SBF2: variants seen among roughly 807,000 people sequenced by gnomAD.
The protein encoded by SBF2 is myotubularin-related protein 13.
In SBF2, 112 loss-of-function variants were observed where a neutral mutation model predicts 225.2. The ratio of observed to expected loss-of-function variants is 0.50; its 90% CI spans 0.43 to 0.58. SBF2 has a LOEUF of 0.58. Among genes scored for constraint, SBF2 ranks in the 20% least tolerant of loss-of-function variants. The probability of loss-of-function intolerance (pLI) is 0.00; values close to 1 mark genes in which losing one functional copy is unlikely to be tolerated. For missense variants in SBF2, 1,996 were observed against 2,206.2 expected, an observed-to-expected ratio of 0.90 and a Z score of 1.91; for synonymous variants, 763 against 773.3, an observed-to-expected ratio of 0.99 and a Z score of 0.22.
At chr11:9,976,960 C>T (rs1378741762) in intron 13 of SBF2, among the ~76,000 whole-genome samples, 3 of 151,766 alleles carry the variant, frequency 2.0e-5, no homozygotes, top group East Asian at 1.9e-4. Context: ...TTAGTAGAGA[C>T]GGGGTTTCAC....
chr11:10,130,415 T>C (rs771628736), intron 2 of SBF2, among the ~76,000 whole-genome samples: 1 of 152,128 alleles, frequency 6.6e-6, no homozygotes. Flanking sequence ...AATATACCCT[T>C]AAACAATTTT....
chr11:10,100,629 C>T (rs1024833862), intron 2 of SBF2, among the ~76,000 whole-genome samples: 4 of 152,140 alleles, frequency 2.6e-5, no homozygotes, highest in East Asian at 3.9e-4. Flanking sequence ...TGTAGCCCCA[C>T]TATGAGGTAT....
At chr11:10,218,088 C>A (rs1367896247) in intron 1 of SBF2, among the ~76,000 whole-genome samples, 1 of 152,158 alleles carries the variant, frequency 6.6e-6, no homozygotes. Flanking sequence ...TTAGTAGAGA[C>A]AGGGATTCAC....
intron 1 of SBF2, among the ~76,000 whole-genome samples, chr11:10,220,509 C>T (rs891261072): frequency 6.6e-6 from 1 of 152,126 alleles, no homozygotes; most frequent in South Asian, 2.1e-4. Context: ...GAGTTCATCC[C>T]TCCTTTCTAC....
At chr11:10,042,603 G>C (rs1301255725) in intron 3 of SBF2, among the ~76,000 whole-genome samples, 2 of 152,078 alleles carry the variant, frequency 1.3e-5, no homozygotes, top group Non-Finnish European at 2.9e-5. Context: ...ACCAATTCAA[G>C]GATGCACTAT....
intron 1 of SBF2, among the ~76,000 whole-genome samples, chr11:10,223,410 TATATATATATA>T (rs1176271216): frequency 1.3e-5 from 1 of 75,880 alleles, no homozygotes; most frequent in African/African-American, 4.1e-5. Flanking sequence ...TATATATATA[TATATATATATA>T]TATATATATA....
chr11:10,078,045 C>T lies in SBF2; in HGVS notation c.142-35064G>A, dbSNP rs561137530. Among the ~76,000 whole-genome samples, 4 of 152,358 alleles carry T rather than the reference C, an allele frequency of 2.6e-5. No homozygotes were observed. The East Asian group carries it at 7.7e-4, about 29-fold the overall frequency. On this transcript the variant is annotated intron_variant, in intron 2 of 39. Transcript: ENST00000256190. Reference sequence around the variant, plus strand: ...AACAAACTTATGAAAAAATGCTCATCATCACTGGTCATTAGAGAAATGCAA... The same window carrying T: ...AACAAACTTATGAAAAAATGCTCATTATCACTGGTCATTAGAGAAATGCAA...
At chr11:10,052,265 C>T (rs1293275397) in intron 2 of SBF2, among the ~76,000 whole-genome samples, 1 of 151,888 alleles carries the variant, frequency 6.6e-6, no homozygotes, top group Non-Finnish European at 1.5e-5. Context: ...ACTGAGAAAA[C>T]ACATATATTT....
intron 22 of SBF2, among the ~76,000 whole-genome samples, chr11:9,849,709 A>C (rs1856790629): frequency 6.6e-6 from 1 of 152,228 alleles, no homozygotes; most frequent in Non-Finnish European, 1.5e-5. Flanking sequence ...TGGACAAACC[A>C]GCAAGGGATA....
rs970583089 is a variant in SBF2, at chr11:9,791,094, C to CTGTT, written c.4571-415_4571-412dup. 5.1e-4 allele frequency: 91 copies of CTGTT among 178,362 alleles called. 1 individual carries two copies. The highest frequency in any genetic ancestry group is 2.1e-3 in the African/African-American group (87 of 41,750). The allele number at this position is 178,362 out of a possible 1,614,324, so 11.0% of individuals were successfully genotyped here. On this transcript the variant is annotated intron_variant, in intron 33 of 39. Coordinates refer to ENST00000256190, the MANE Select transcript of SBF2 (RefSeq NM_030962.4). ...TTATGTTTCTCTTTTAAGTTGTTGG[C>CTGTT]TGTTTGTTTATTATGAAGCCATTTA...
rs1856508639 is a variant in SBF2 at position 9,845,887 on chromosome 11, A to T, written c.2935-147T>A. The T allele has an allele frequency of 2.7e-5, 19 of 711,608 alleles. No homozygotes were observed. In the Admixed American group the frequency reaches 5.2e-4, roughly 20 times the overall value. 44.1% of individuals were successfully genotyped at this position (711,608 alleles called of 1,614,324 possible). On this transcript the variant is annotated intron_variant, in intron 23 of 39. Transcript: ENST00000256190. ...CATGCAATACAATTTTTAAATTTTT[A>T]AAAATAAAAAAAGGCTCAAAAAGGT...
intron 2 of SBF2, among the ~76,000 whole-genome samples, chr11:10,102,885 T>G (rs185601831): frequency 1.8e-4 from 27 of 152,304 alleles, no homozygotes; most frequent in Non-Finnish European, 2.9e-4. Context: ...AGTGGATGGA[T>G]TTATAAAATT....
At chr11:9,856,782 T>C (rs1035860529) in intron 18 of SBF2, 62 bp from the exon 19 acceptor site, 5 of 1,294,022 alleles carry the variant, frequency 3.9e-6, no homozygotes, top group Non-Finnish European at 5.3e-6. Context: ...TTAAAAAACA[T>C]AGATTTTTTT....
chr11:10,223,842 A>G (rs1958440005), intron 1 of SBF2, among the ~76,000 whole-genome samples: 1 of 152,070 alleles, frequency 6.6e-6, no homozygotes, highest in Non-Finnish European at 1.5e-5. Flanking sequence ...ATGGTATTTT[A>G]AGGTATTTTA....
intron 3 of SBF2, among the ~76,000 whole-genome samples, chr11:10,037,209 G>A (rs1400499926): frequency 2.0e-5 from 3 of 152,138 alleles, no homozygotes; most frequent in South Asian, 2.1e-4. Flanking sequence ...CTTCAGCATC[G>A]ATACTCTAAG....
At chr11:9,826,662 T>C (rs1855078275) in intron 28 of SBF2, among the ~76,000 whole-genome samples, 1 of 151,704 alleles carries the variant, frequency 6.6e-6, no homozygotes, top group Admixed American at 6.6e-5. Flanking sequence ...GAGTTTCCCA[T>C]TACTGATGAT....
intron 1 of SBF2, among the ~76,000 whole-genome samples, chr11:10,274,132 C>A (rs1303354718): frequency 6.6e-6 from 1 of 152,160 alleles, no homozygotes; most frequent in Non-Finnish European, 1.5e-5. Context: ...GGGAGTTAGG[C>A]CAGAATGTTA....
chr11:10,137,321 C>T (rs988718622), intron 2 of SBF2, among the ~76,000 whole-genome samples: 2 of 152,186 alleles, frequency 1.3e-5, no homozygotes, highest in African/African-American at 4.8e-5. Context: ...TGTCTATACA[C>T]ATAATGATGT....
intron 1 of SBF2, among the ~76,000 whole-genome samples, chr11:10,227,724 G>C (rs1027624198): frequency 3.9e-5 from 6 of 152,178 alleles, no homozygotes; most frequent in Admixed American, 3.3e-4. Flanking sequence ...GGTTACTGTA[G>C]CCTTGTATAT....
Sources: allele counts gnomAD v4.1 joint callset (sites outside exome capture counted in the v4.1 genomes callset), GRCh38; gene constraint gnomAD v4.1.1; transcripts MANE v1.5; gene names NCBI Gene and HGNC (gene_info 2026-07-23, HGNC 2026-07-21).